The following PDE4D variants were observed in gnomAD, a reference collection of about 807,000 sequenced individuals.
The protein encoded by PDE4D is phosphodiesterase 4D, also known as 3',5'-cyclic-AMP phosphodiesterase 4D.
In PDE4D, 24 loss-of-function variants were observed where a neutral mutation model predicts 87.4. The ratio of observed to expected loss-of-function variants is 0.27; its 90% CI spans 0.20 to 0.39. The LOEUF (loss-of-function observed/expected upper bound fraction) is 0.39. Among genes scored for constraint, PDE4D ranks in the 10% least tolerant of loss-of-function variants. The pLI is 1.00. For missense variants in PDE4D, 714 were observed against 1,041.0 expected (o/e 0.69, Z 4.32); for synonymous variants, 384 against 383.2 (o/e 1.00, Z -0.02).
chr5:60,016,957 A>G (rs894626688), intron 2 of PDE4D, among the ~76,000 whole-genome samples: 1 of 152,236 alleles, frequency 6.6e-6, no homozygotes, highest in African/African-American at 2.4e-5. Flanking sequence ...AGAAATCACT[A>G]TCTATAGCAG....
intron 1 of PDE4D, among the ~76,000 whole-genome samples, chr5:60,504,262 A>ATT (rs5868243): frequency 0.03 from 4,424 of 148,814 alleles, 96 homozygotes; most frequent in African/African-American, 0.047. Flanking sequence ...GTCTTTATGC[A>ATT]TTTTTTTTTT....
At chr5:59,207,642 AG>A (rs1356779330) in intron 2 of PDE4D, among the ~76,000 whole-genome samples, 13 of 152,082 alleles carry the variant, frequency 8.5e-5, no homozygotes, top group Non-Finnish European at 1.9e-4. Context: ...GCAGGAATTC[AG>A]TGTCTCATAG....
chr5:60,350,812 T>C (rs1759119082), intron 1 of PDE4D, among the ~76,000 whole-genome samples: 1 of 152,192 alleles, frequency 6.6e-6, no homozygotes, highest in African/African-American at 2.4e-5. Context: ...GATTCGAGTT[T>C]GAGTGGCTCT....
At chr5:60,473,258 A>AAGGGAAGGAAGGG (rs1747997553) in intron 1 of PDE4D, among the ~76,000 whole-genome samples, 2 of 149,656 alleles carry the variant, frequency 1.3e-5, no homozygotes, top group African/African-American at 5.1e-5. Context: ...GGAAGGAAGG[A>AAGGGAAGGAAGGG]AGGGAAGGAA....
chr5:59,804,013 TC>T (rs1767455927), intron 1 of PDE4D, among the ~76,000 whole-genome samples: 1 of 152,228 alleles, frequency 6.6e-6, no homozygotes, highest in Admixed American at 6.5e-5. Flanking sequence ...TTCTTTTTAA[TC>T]CCTAACTTTT....
intron 2 of PDE4D, among the ~76,000 whole-genome samples, chr5:60,090,643 C>T (rs1229957027): frequency 1.3e-5 from 2 of 152,140 alleles, no homozygotes; most frequent in African/African-American, 4.8e-5. Context: ...ACTTTTACCA[C>T]TGTTATTCAA....
rs40218 is a variant in PDE4D at position 60,424,053 on chromosome 5, C to A, written c.-90+63889G>T. 7.2e-5 allele frequency among the ~76,000 whole-genome samples: 11 copies of A among 152,138 alleles called. No homozygotes were observed. The East Asian group carries it at 2.1e-3, about 29-fold the overall frequency. Reference sequence around the variant, plus strand: ...AATTAAGGCAATAATTAATAGCCTACCAACCAAAAAAAGTCCAGGACCCGA... The same window carrying A: ...AATTAAGGCAATAATTAATAGCCTAACAACCAAAAAAAGTCCAGGACCCGA... On this transcript the variant is annotated intron_variant, in intron 1 of 16. Coordinates refer to the PDE4D transcript ENST00000502484.
chr5:59,572,089 A>C (rs539369292), intron 1 of PDE4D, among the ~76,000 whole-genome samples: 2 of 152,328 alleles, frequency 1.3e-5, no homozygotes, highest in South Asian at 4.1e-4. Context: ...TATTGGGAGC[A>C]ACCTTGTTCA....
chr5:59,441,668 A>G (rs1222101807), intron 1 of PDE4D, among the ~76,000 whole-genome samples: 1 of 152,196 alleles, frequency 6.6e-6, no homozygotes, highest in East Asian at 1.9e-4. Flanking sequence ...TCTGCTGTAC[A>G]TCTATGAATA....
chr5:60,025,538 G>GAAAA (rs1766535735), intron 2 of PDE4D, among the ~76,000 whole-genome samples: 2 of 152,012 alleles, frequency 1.3e-5, no homozygotes, highest in African/African-American at 4.8e-5. Context: ...CATGTAAAAT[G>GAAAA]ATTTAGTAAA....
rs564636010 is a variant in PDE4D at position 60,187,492 on chromosome 5, G to C, written c.-89-1805C>G. 2.0e-5 allele frequency among the ~76,000 whole-genome samples: 3 copies of C among 152,288 alleles called. No homozygotes were observed. The East Asian group carries it at 5.8e-4, about 29-fold the overall frequency. On this transcript the variant is annotated intron_variant, in intron 1 of 16. Coordinates refer to the PDE4D transcript ENST00000502484. Reference sequence around the variant, plus strand: ...TAATTATTCATCCAGGATTTAATGAGTAGCCTTAGGGACAACCATGGAATA... The same window carrying C: ...TAATTATTCATCCAGGATTTAATGACTAGCCTTAGGGACAACCATGGAATA...
intron 1 of PDE4D, among the ~76,000 whole-genome samples, chr5:59,600,846 T>G (rs1827402665): frequency 6.6e-6 from 1 of 152,212 alleles, no homozygotes; most frequent in Non-Finnish European, 1.5e-5. Context: ...ATAAAAGCTA[T>G]GCTCAATTTG....
intron 1 of PDE4D, among the ~76,000 whole-genome samples, chr5:60,215,055 A>T (rs572174755): frequency 1.5e-4 from 23 of 152,308 alleles, no homozygotes; most frequent in African/African-American, 5.5e-4. Flanking sequence ...ATTTTAATTT[A>T]TGAGGTAGGC....
At chr5:60,441,647 G>C (rs925077203) in intron 1 of PDE4D, among the ~76,000 whole-genome samples, 9 of 152,134 alleles carry the variant, frequency 5.9e-5, no homozygotes, top group African/African-American at 2.2e-4. Context: ...AGAGTGAACA[G>C]GCACCCTACA....
intron 1 of PDE4D, among the ~76,000 whole-genome samples, chr5:59,262,265 A>T (rs1040427706): frequency 5.3e-5 from 8 of 151,944 alleles, no homozygotes; most frequent in Admixed American, 4.6e-4. Context: ...TAAAGCAATA[A>T]AAAATGCACC....
At chr5:60,266,543 T>G (rs777469184) in intron 1 of PDE4D, among the ~76,000 whole-genome samples, 1 of 152,216 alleles carries the variant, frequency 6.6e-6, no homozygotes, top group Non-Finnish European at 1.5e-5. Context: ...TTGGGCAGTC[T>G]GTGCCTGAGA....
At chr5:60,396,853 C>T (rs1443035152) in intron 1 of PDE4D, among the ~76,000 whole-genome samples, 6 of 152,196 alleles carry the variant, frequency 3.9e-5, no homozygotes. Context: ...GCAGACCTTT[C>T]CTTTCCTTGA....
chr5:59,863,399 G>T (rs575624866), intron 1 of PDE4D, among the ~76,000 whole-genome samples: 1 of 151,428 alleles, frequency 6.6e-6, no homozygotes, highest in South Asian at 2.1e-4. Flanking sequence ...TCTAATTTAG[G>T]ACTAAGACAA....
intron 5 of PDE4D, among the ~76,000 whole-genome samples, chr5:59,123,222 C>T (rs536249493): frequency 6.6e-6 from 1 of 152,172 alleles, no homozygotes; most frequent in Admixed American, 6.5e-5. Flanking sequence ...AGCCCTGCCT[C>T]TATGCCTGAA....
Sources: allele counts gnomAD v4.1 joint callset (sites outside exome capture counted in the v4.1 genomes callset), GRCh38; gene constraint gnomAD v4.1.1; transcripts MANE v1.5; gene names NCBI Gene and HGNC (gene_info 2026-07-23, HGNC 2026-07-21).